The following ERN1 variants were observed in gnomAD, a reference collection of about 807,000 sequenced individuals.
ERN1 encodes the protein endoplasmic reticulum to nucleus signaling 1, also known as serine/threonine-protein kinase/endoribonuclease IRE1.
A neutral mutation model predicts 113.1 loss-of-function variants in ERN1; 39 were observed. That is an observed-to-expected ratio of 0.34 (90% CI 0.27 to 0.45). The LOEUF is 0.45. Among genes scored for constraint, ERN1 ranks in the 20% least tolerant of loss-of-function variants. The pLI is 1.00. For synonymous variants in ERN1, 507 were observed against 515.9 expected, an observed-to-expected ratio of 0.98 and a Z score of 0.23; for missense variants, 976 against 1,274.8, an observed-to-expected ratio of 0.77 and a Z score of 3.57.
Position 64,068,211 on chromosome 17 carries a change from G to C in ERN1, c.559C>G (p.Pro187Ala). 1 of 1,610,904 alleles carries C rather than the reference G, an allele frequency of 6.2e-7. No homozygotes were observed. The highest frequency in any genetic ancestry group is 8.5e-7 in the Non-Finnish European group (1 of 1,178,516). ...ATYFDYAASL[P>A]EDDVDYKMSH... ...TTACTGTAGTCCACGTCGTCCTCAG[G>C]CAGTGAGGCCGCATAGTCAAAGTAG... Residue 187 changes from proline (P) to alanine (A), a missense_variant, in exon 7 of 22, where the codon CCT (proline) becomes GCT (alanine). Around this residue, in one of 5 missense-constraint regions of ERN1, gnomAD observed 459 missense variants for 581.2 expected, o/e 0.79. Coordinates refer to ENST00000433197, the MANE Select transcript of ERN1 (RefSeq NM_001433.5).
chr17:64,115,758 G>A lies in ERN1; in HGVS notation c.54+14218C>T, dbSNP rs147074044. On this transcript the variant is annotated intron_variant, in intron 1 of 21. Transcript: ENST00000433197. ...CAGAAGATGAGGTGGGCACACAGAT[G>A]CATGGTCTGGTTTGAGCTCTGGGCA... Among the ~76,000 whole-genome samples, 712 of 152,324 alleles carry A rather than the reference G, an allele frequency of 4.7e-3. 4 individuals carry two copies. The highest frequency in any genetic ancestry group is 0.016 in the African/African-American group (673 of 41,564).
intron 2 of ERN1, among the ~76,000 whole-genome samples, chr17:64,090,208 C>G (rs561362317): frequency 1.8e-4 from 28 of 152,286 alleles, no homozygotes; most frequent in African/African-American, 6.7e-4. Flanking sequence ...AAAAGCTCCT[C>G]AATTTCTAAT....
chr17:64,097,399 G>A (rs139402833), intron 2 of ERN1, among the ~76,000 whole-genome samples: 39 of 152,328 alleles, frequency 2.6e-4, no homozygotes, highest in African/African-American at 9.4e-4. Flanking sequence ...GAAAGAGAAC[G>A]ATGCTGTTCA....
chr17:64,054,526 C>A lies in ERN1; in HGVS notation c.1764-87G>T. On this transcript the variant is annotated intron_variant, in intron 14 of 21. Coordinates refer to ENST00000433197, the MANE Select transcript of ERN1 (RefSeq NM_001433.5). This position sits in a 1 kb window ranked among gnomAD's most constrained non-coding sequence, Gnocchi z 4.9. ...GAGAACCTGGGTCCACAGCATTCAC[C>A]TACTGCCTCCCAGCCTAGAGAGCCC... 1 of 1,310,908 alleles carries A rather than the reference C, an allele frequency of 7.6e-7. No homozygotes were observed. 81.2% of individuals were successfully genotyped at this position (1,310,908 alleles called of 1,614,324 possible). A position where few individuals can be genotyped will look rare whatever the true frequency, so the allele number is the denominator to read the frequency against.
intron 6 of ERN1, 57 bp from the exon 7 acceptor site, chr17:64,068,348 G>T: frequency 1.7e-6 from 2 of 1,209,318 alleles, no homozygotes; most frequent in Non-Finnish European, 1.2e-6. Context: ...TACCTACTGA[G>T]GTGTGGTCCT....
intron 1 of ERN1, among the ~76,000 whole-genome samples, chr17:64,117,421 C>T (rs936197705): frequency 1.9e-4 from 28 of 150,006 alleles, no homozygotes; most frequent in East Asian, 7.8e-4. Context: ...CCAGTGTGGG[C>T]GACACAGTGA....
intron 1 of ERN1, among the ~76,000 whole-genome samples, chr17:64,101,377 G>A (rs994398532): frequency 1.2e-4 from 19 of 152,054 alleles, no homozygotes; most frequent in East Asian, 1.9e-4. Flanking sequence ...GCCACTGTAC[G>A]CCAGCCTGGG....
intron 19 of ERN1, among the ~76,000 whole-genome samples, chr17:64,046,309 A>G (rs1037721659): frequency 6.6e-6 from 1 of 152,234 alleles, no homozygotes; most frequent in Non-Finnish European, 1.5e-5. Flanking sequence ...CACGTGTCTG[A>G]GCTGCAAAGC....
chr17:64,104,913 T>C (rs922316448), intron 1 of ERN1, among the ~76,000 whole-genome samples: 1 of 152,146 alleles, frequency 6.6e-6, no homozygotes, highest in African/African-American at 2.4e-5. Context: ...ACGTGTTCCA[T>C]ACCCACAGTT....
intron 1 of ERN1, among the ~76,000 whole-genome samples, chr17:64,116,694 T>C (rs1167658565): frequency 1.3e-5 from 2 of 152,026 alleles, no homozygotes; most frequent in African/African-American, 2.4e-5. Flanking sequence ...CATTTGTGTA[T>C]TTGGGTGCAC....
At chr17:64,127,776 AAGT>A (rs988595332) in intron 1 of ERN1, among the ~76,000 whole-genome samples, 4 of 145,934 alleles carry the variant, frequency 2.7e-5, no homozygotes, top group East Asian at 1.9e-4. Context: ...AAAAAAAAAG[AAGT>A]AGTAGTAGTA....
At chr17:64,098,872 A>G (rs1311198841) in intron 1 of ERN1, among the ~76,000 whole-genome samples, 1 of 152,132 alleles carries the variant, frequency 6.6e-6, no homozygotes, top group East Asian at 1.9e-4. Flanking sequence ...AAACAAAACA[A>G]AAAAAATTTT....
At position 64,044,160 on chromosome 17, in the gene ERN1, G is replaced by T; in HGVS notation, c.2762C>A (p.Thr921Lys). The part of the protein sequence containing the change: ...YRELPAEVRE[T>K]LGSLPDDFVC... ...GAAGTCGTCGGGGAGGGACCCCAGCGTCTCCCGCACCTCTGCAGGCAGCTC... is the reference window on the plus strand; with the variant it reads ...GAAGTCGTCGGGGAGGGACCCCAGCTTCTCCCGCACCTCTGCAGGCAGCTC... Residue 921 changes from threonine to lysine, a missense_variant, in exon 22 of 22, where the codon ACG (threonine) becomes AAG (lysine). Physicochemically the swap from Thr to Lys is moderately conservative, Grantham distance 78 (BLOSUM62 -1). Around this residue, in one of 5 missense-constraint regions of ERN1, gnomAD observed 92 missense variants for 87.3 expected, o/e 1.05. Transcript: ENST00000433197. This position sits in a 1 kb window ranked among gnomAD's most constrained non-coding sequence, Gnocchi z 4.1. 6.3e-7 allele frequency: 1 copy of T among 1,593,840 alleles called. No individual in the cohort carries two copies. The highest frequency in any genetic ancestry group is 8.6e-7 in the Non-Finnish European group (1 of 1,167,354).
rs1912436595 is a variant in ERN1 at position 64,044,208 on chromosome 17, G to C, written c.2722-8C>G. 1 of 1,510,132 alleles carries C rather than the reference G, an allele frequency of 6.6e-7. No individual in the cohort carries two copies. 93.5% of individuals were successfully genotyped at this position (1,510,132 alleles called of 1,614,324 possible). ...CTCCCGGTAGTGGTGCTTCTGCAAAGAGTTAGAAAGCTCGGGAGATTAGAA... is the reference window on the plus strand; with the variant it reads ...CTCCCGGTAGTGGTGCTTCTGCAAACAGTTAGAAAGCTCGGGAGATTAGAA... On this transcript the variant is annotated splice_polypyrimidine_tract_variant and splice_region_variant and intron_variant, in intron 21 of 21. Coordinates refer to ENST00000433197, the MANE Select transcript of ERN1 (RefSeq NM_001433.5). This position sits in a 1 kb window ranked among gnomAD's most constrained non-coding sequence, Gnocchi z 4.1.
chr17:64,042,788 T>C lies in ERN1; in HGVS notation c.*1200A>G, dbSNP rs187067763. Reference sequence around the variant, plus strand: ...TACTCTTCAGCATTAGAGAATGTTCTATACATGAACACTCTTGAGGGGATG... The same window carrying C: ...TACTCTTCAGCATTAGAGAATGTTCCATACATGAACACTCTTGAGGGGATG... On this transcript the variant is annotated 3_prime_UTR_variant, in exon 22 of 22. Coordinates refer to ENST00000433197, the MANE Select transcript of ERN1 (RefSeq NM_001433.5). The C allele has an allele frequency of 5.9e-5, 9 of 152,018 alleles. No homozygotes were observed. The East Asian group carries it at 1.7e-3, about 29-fold the overall frequency. The allele number at this position is 152,018 out of a possible 1,614,324, so 9.4% of individuals were successfully genotyped here.
At chr17:64,090,273 A>C (rs960945564) in intron 2 of ERN1, among the ~76,000 whole-genome samples, 1 of 152,218 alleles carries the variant, frequency 6.6e-6, no homozygotes, top group African/African-American at 2.4e-5. Context: ...AACCTCCATA[A>C]GTCACGAAGT....
chr17:64,070,708 C>T (rs953794898), intron 6 of ERN1, among the ~76,000 whole-genome samples: 3 of 152,162 alleles, frequency 2.0e-5, no homozygotes, highest in Non-Finnish European at 4.4e-5. Context: ...AAAGTTTAGA[C>T]CTAAATGTAG....
chr17:64,047,649 A>G (rs1413033598), intron 19 of ERN1, among the ~76,000 whole-genome samples: 1 of 152,250 alleles, frequency 6.6e-6, no homozygotes, highest in Non-Finnish European at 1.5e-5. Flanking sequence ...AATATCATGT[A>G]CAGTTAAAAA....
chr17:64,102,704 T>C lies in ERN1; in HGVS notation c.55-4463A>G, dbSNP rs180952369. ...ACTGAAAAACGCTGCTTCACAAAGA[T>C]GAACTTGTGCCTTGTCTTTGCCCAG... On this transcript the variant is annotated intron_variant, in intron 1 of 21. Transcript: ENST00000433197. 7,853 of 985,442 alleles carry C rather than the reference T, an allele frequency of 8.0e-3. 40 individuals are homozygous for C. The highest frequency in any genetic ancestry group is 8.6e-3 in the Non-Finnish European group (7,120 of 829,926). The allele number at this position is 985,442 out of a possible 1,614,324, so 61.0% of individuals were successfully genotyped here.
Sources: gnomAD v4.1 joint callset for allele counts (sites outside exome capture counted in the v4.1 genomes callset) on GRCh38, gnomAD v4.1.1 for gene constraint, gnomAD v4.1.1 regional missense constraint, Gnocchi (gnomAD v3.1) non-coding constraint, MANE v1.5 for transcripts, NCBI Gene and HGNC (gene_info 2026-07-23, HGNC 2026-07-21) for gene names.